SYPL2: variants seen among roughly 807,000 people sequenced by gnomAD.
The protein encoded by SYPL2 is synaptophysin like 2, also known as synaptophysin-like protein 2.
Under a neutral mutation model 31.3 loss-of-function variants are expected in SYPL2, and 24 were observed. The ratio of observed to expected loss-of-function variants is 0.77; its 90% CI spans 0.56 to 1.08. SYPL2 has a LOEUF of 1.08. Ranked by LOEUF, SYPL2 falls within the 50% of genes least tolerant of loss-of-function variation. The probability of loss-of-function intolerance (pLI) is 0.00; values close to 1 mark genes in which losing one functional copy is unlikely to be tolerated. For missense variants in SYPL2, 342 were observed against 360.1 expected, an observed-to-expected ratio of 0.95 and a Z score of 0.41; for synonymous variants, 144 against 143.1, an observed-to-expected ratio of 1.01 and a Z score of -0.05.
chr1:109,477,239 A>G (rs947816078), intron 4 of SYPL2, among the ~76,000 whole-genome samples: 11 of 151,498 alleles, frequency 7.3e-5, no homozygotes. Flanking sequence ...AAGTTAAATA[A>G]CCTCTCTAAA....
At chr1:109,473,576 T>C (rs758896015) in intron 2 of SYPL2, among the ~76,000 whole-genome samples, 13 of 152,106 alleles carry the variant, frequency 8.5e-5, no homozygotes, top group Non-Finnish European at 1.9e-4. Context: ...AAAGGGCCTC[T>C]AGATTATCTA....
chr1:109,477,185 T>G (rs767846051), intron 4 of SYPL2, among the ~76,000 whole-genome samples: 1 of 152,168 alleles, frequency 6.6e-6, no homozygotes, highest in Non-Finnish European at 1.5e-5. Flanking sequence ...ACTGCCTGGG[T>G]TCAGATCCCA....
chr1:109,474,543 G>C (rs1655940610), intron 2 of SYPL2, among the ~76,000 whole-genome samples: 1 of 151,950 alleles, frequency 6.6e-6, no homozygotes, highest in South Asian at 2.1e-4. Flanking sequence ...GTTTCACCAT[G>C]TTGGCCAGGT....
rs569776837 is a variant in SYPL2 at position 109,466,597 on chromosome 1, G to C, written c.-247G>C. The stretch of plus-strand genomic sequence containing the variant: ...TTTGACAGAAGTTTGAATCCGAGTC[G>C]GGGGCTTTCTGCTGCCGGCGGGGCA... On this transcript the variant is annotated 5_prime_UTR_variant, in exon 1 of 6. Transcript: ENST00000369872. 4.9e-6 allele frequency: 2 copies of C among 404,708 alleles called. No individual in the cohort carries two copies. The highest frequency in any genetic ancestry group is 8.7e-6 in the Non-Finnish European group (2 of 230,794). The allele number at this position is 404,708 out of a possible 1,614,324, so 25.1% of individuals were successfully genotyped here.
At chr1:109,469,518 C>A (rs1571058379) in intron 2 of SYPL2, among the ~76,000 whole-genome samples, 2 of 149,984 alleles carry the variant, frequency 1.3e-5, no homozygotes, top group East Asian at 2.0e-4. Flanking sequence ...AAAAGGACAT[C>A]AAATCATAGG....
At position 109,478,569 on chromosome 1, in the gene SYPL2, G is replaced by A. The variant is rs567190070; in HGVS notation, c.648+560G>A. On this transcript the variant is annotated intron_variant, in intron 5 of 5. Coordinates refer to ENST00000369872, the MANE Select transcript of SYPL2 (RefSeq NM_001040709.2). This position sits in a 1 kb window ranked among gnomAD's most constrained non-coding sequence, Gnocchi z 4.0. ...GTCTTGAGCTTCTCAAATGCTGCCC[G>A]TCATCCCAGCCACCTCAGCCCTGCT... is the stretch of plus-strand genomic sequence containing the variant. Among the ~76,000 whole-genome samples the A allele has an allele frequency of 6.6e-6, 1 of 152,282 alleles. No individual in the cohort carries two copies. Among genetic ancestry groups the A allele is most frequent in the African/African-American group, 2.4e-5 (1 of 41,572 alleles).
Position 109,466,550 on chromosome 1 carries a change from C to T in SYPL2, c.-294C>T. On this transcript the variant is annotated 5_prime_UTR_variant, in exon 1 of 6. Coordinates refer to ENST00000369872, the MANE Select transcript of SYPL2 (RefSeq NM_001040709.2). ...GTTCGGGAGCGCACGCCACGTGACC[C>T]GGCGGCCAAGTTCGCTGCGAGTTTG... is the stretch of plus-strand genomic sequence containing the variant. The T allele has an allele frequency of 2.7e-6, 1 of 370,514 alleles. No individual in the cohort carries two copies. The highest frequency in any genetic ancestry group is 4.8e-5 in the Admixed American group (1 of 20,730). 23.0% of individuals were successfully genotyped at this position (370,514 alleles called of 1,614,324 possible).
At chr1:109,471,456 G>A (rs984941998) in intron 2 of SYPL2, among the ~76,000 whole-genome samples, 3 of 152,174 alleles carry the variant, frequency 2.0e-5, no homozygotes, top group Admixed American at 6.5e-5. Flanking sequence ...CAGGACCGTC[G>A]TTTAGACACA....
intron 2 of SYPL2, 26 bp from the exon 3 acceptor site, chr1:109,475,555 C>G: frequency 5.0e-6 from 8 of 1,610,056 alleles, no homozygotes; most frequent in Non-Finnish European, 6.8e-6. Context: ...CCTTCTGACT[C>G]TCAAAGAGGC....
In SYPL2 at chr1:109,478,568, C is replaced by T. The variant is rs1036042888; in HGVS notation, c.648+559C>T. Reference sequence around the variant, plus strand: ...GGTCTTGAGCTTCTCAAATGCTGCCCGTCATCCCAGCCACCTCAGCCCTGC... The same window carrying T: ...GGTCTTGAGCTTCTCAAATGCTGCCTGTCATCCCAGCCACCTCAGCCCTGC... On this transcript the variant is annotated intron_variant, in intron 5 of 5. Transcript: ENST00000369872. This position sits in a 1 kb window ranked among gnomAD's most constrained non-coding sequence, Gnocchi z 4.0. Among the ~76,000 whole-genome samples, 13 of 152,164 alleles carry T rather than the reference C, an allele frequency of 8.5e-5. No individual in the cohort carries two copies. The highest frequency in any genetic ancestry group is 1.4e-4 in the African/African-American group (6 of 41,422).
chr1:109,470,912 T>A (rs1655812464), intron 2 of SYPL2, among the ~76,000 whole-genome samples: 1 of 152,192 alleles, frequency 6.6e-6, no homozygotes, highest in African/African-American at 2.4e-5. Context: ...TTGTTTTTAT[T>A]ATTTTTTGTT....
chr1:109,474,828 G>A (rs1655948190), intron 2 of SYPL2, among the ~76,000 whole-genome samples: 1 of 152,248 alleles, frequency 6.6e-6, no homozygotes, highest in South Asian at 2.1e-4. Context: ...ATCAACAGAT[G>A]ACAAAGGGAA....
rs1211370421 is a variant in SYPL2, at chr1:109,478,734, T to G, written c.649-644T>G. ...AGAAATGTTCACAGGTACAACAAAGTTGAAAGAATTTTACAGTGAATACCC... is the reference window on the plus strand; with the variant it reads ...AGAAATGTTCACAGGTACAACAAAGGTGAAAGAATTTTACAGTGAATACCC... On this transcript the variant is annotated intron_variant, in intron 5 of 5. Coordinates refer to ENST00000369872, the MANE Select transcript of SYPL2 (RefSeq NM_001040709.2). The surrounding 1 kb of genome is among the most constrained non-coding windows in gnomAD (Gnocchi z 4.0). Among the ~76,000 whole-genome samples the G allele has an allele frequency of 1.3e-5, 2 of 152,188 alleles. No homozygotes were observed. Among genetic ancestry groups the G allele is most frequent in the African/African-American group, 4.8e-5 (2 of 41,456 alleles).
chr1:109,479,723 C>T lies in SYPL2; in HGVS notation c.*175C>T. ...GAAACCTGGGCAGCCCTCTCAGTGG[C>T]TTCCTATCCTCCTTCTTGCTGGAGC... On this transcript the variant is annotated 3_prime_UTR_variant, in exon 6 of 6. Transcript: ENST00000369872. 1 of 917,388 alleles carries T rather than the reference C, an allele frequency of 1.1e-6. No homozygotes were observed. The highest frequency in any genetic ancestry group is 1.8e-5 in the South Asian group (1 of 56,640). The allele number at this position is 917,388 out of a possible 1,614,324, so 56.8% of individuals were successfully genotyped here. A position where few individuals can be genotyped will look rare whatever the true frequency, so the allele number is the denominator to read the frequency against.
chr1:109,480,480 G>A lies in SYPL2; in HGVS notation c.*932G>A, dbSNP rs970237082. ...CCCTTCCCCAGCATCGTGCATCTGA[G>A]GCATTTGAGATCCTTTTTGAAGTCT... On this transcript the variant is annotated 3_prime_UTR_variant, in exon 6 of 6. Transcript: ENST00000369872. The A allele has an allele frequency of 6.6e-6, 1 of 152,206 alleles. No homozygotes were observed. The highest frequency in any genetic ancestry group is 2.4e-5 in the African/African-American group (1 of 41,384). The allele number at this position is 152,206 out of a possible 1,614,324, so 9.4% of individuals were successfully genotyped here. A position where few individuals can be genotyped will look rare whatever the true frequency, so the allele number is the denominator to read the frequency against.
At chr1:109,473,629 A>G (rs751858605) in intron 2 of SYPL2, among the ~76,000 whole-genome samples, 3 of 152,222 alleles carry the variant, frequency 2.0e-5, no homozygotes, top group Non-Finnish European at 4.4e-5. Context: ...GGCTGGGCTC[A>G]TGCCTATAAT....
At chr1:109,468,834 C>A (rs2100998679) in intron 2 of SYPL2, among the ~76,000 whole-genome samples, 1 of 152,302 alleles carries the variant, frequency 6.6e-6, no homozygotes, top group African/African-American at 2.4e-5. Flanking sequence ...CTGTACAAAG[C>A]AATGCCCAGG....
At chr1:109,479,260 A>C in intron 5 of SYPL2, 118 bp from the exon 6 acceptor site, 1 of 1,123,952 alleles carries the variant, frequency 8.9e-7, no homozygotes, top group South Asian at 1.4e-5. Context: ...TAGTCTTTCT[A>C]GTCCTCTGTG....
Position 109,475,709 on chromosome 1 carries a change from A to G in SYPL2, c.254+4A>G. The G allele has an allele frequency of 1.2e-6, 2 of 1,612,114 alleles. No individual in the cohort carries two copies. The highest frequency in any genetic ancestry group is 4.5e-5 in the East Asian group (2 of 44,796). On this transcript the variant is annotated splice_donor_region_variant and intron_variant, in intron 3 of 5. Transcript: ENST00000369872. ...TTGCATTTGGCTATCCCTTCAGGTGAGCAAGAATTGGTTCCAACCCAGCAC... is the reference window on the plus strand; with the variant it reads ...TTGCATTTGGCTATCCCTTCAGGTGGGCAAGAATTGGTTCCAACCCAGCAC...
Sources: gnomAD v4.1 joint callset for allele counts (sites outside exome capture counted in the v4.1 genomes callset) on GRCh38, gnomAD v4.1.1 for gene constraint, Gnocchi (gnomAD v3.1) non-coding constraint, MANE v1.5 for transcripts, NCBI Gene and HGNC (gene_info 2026-07-23, HGNC 2026-07-21) for gene names.